The following ATP6V0A1 variants were observed in gnomAD, a reference collection of about 807,000 sequenced individuals.
The protein encoded by ATP6V0A1 is V-type proton ATPase 116 kDa subunit a 1.
ATP6V0A1 carries 43 observed loss-of-function variants against 105.4 expected under a neutral mutation model. That is an observed-to-expected ratio of 0.41 (90% CI 0.32 to 0.53). The LOEUF (loss-of-function observed/expected upper bound fraction) is 0.53, where lower values mean the gene tolerates loss of function less well. Ranked by LOEUF, ATP6V0A1 falls within the 20% of genes least tolerant of loss-of-function variation. The pLI is 0.30. For synonymous variants in ATP6V0A1, 362 were observed against 372.8 expected (o/e 0.97, Z 0.33); for missense variants, 676 against 1,051.1 (o/e 0.64, Z 4.93).
At chr17:42,512,366 A>T (rs1474524407) in intron 19 of ATP6V0A1, among the ~76,000 whole-genome samples, 1 of 152,190 alleles carries the variant, frequency 6.6e-6, no homozygotes, top group Admixed American at 6.5e-5. Context: ...CCCAGTGGTC[A>T]CTGCCCTCCC....
At chr17:42,520,709 T>A (rs2092808088) in intron 21 of ATP6V0A1, 1 of 424,080 alleles carries the variant, frequency 2.4e-6, no homozygotes, top group Non-Finnish European at 4.6e-6. Flanking sequence ...GGGCCACTTG[T>A]TCATTAACGA....
intron 17 of ATP6V0A1, 187 bp from the exon 18 acceptor site, chr17:42,507,333 C>G: frequency 1.9e-6 from 1 of 529,646 alleles, no homozygotes; most frequent in Non-Finnish European, 3.4e-6. Context: ...TGGGCTGGGG[C>G]TGGGGAGGCG....
intron 16 of ATP6V0A1, 40 bp from the exon 17 acceptor site, chr17:42,501,157 C>A: frequency 6.5e-7 from 1 of 1,532,040 alleles, no homozygotes; most frequent in Non-Finnish European, 9.0e-7. Flanking sequence ...GATCGGTAGA[C>A]TTTTATATGA....
In ATP6V0A1 at chr17:42,507,543, C is replaced by T; in HGVS notation, c.2028C>T (p.Ile676=). 6.2e-7 allele frequency: 1 copy of T among 1,613,166 alleles called. No individual in the cohort carries two copies. Among genetic ancestry groups the T allele is most frequent in the Non-Finnish European group, 8.5e-7 (1 of 1,179,500 alleles). ...KHLGTLNFGG[I]RVGNGPTEED... ...AGGGAACTCTCAACTTTGGTGGGAT[C>T]AGGGTGGGCAACGGACCGACAGAGG... The change falls in exon 18 of 22, where the codon ATC becomes ATT. Residue 676 remains isoleucine, a synonymous_variant. Transcript: ENST00000343619.
Position 42,477,554 on chromosome 17 carries a change from T to A in ATP6V0A1, c.424-106T>A, listed in dbSNP as rs185102800. The A allele has an allele frequency of 6.6e-5, 77 of 1,163,880 alleles. 1 individual carries two copies. In the African/African-American group the frequency reaches 1.0e-3, roughly 15 times the overall value. 72.1% of individuals were successfully genotyped at this position (1,163,880 alleles called of 1,614,324 possible). A position where few individuals can be genotyped will look rare whatever the true frequency, so the allele number is the denominator to read the frequency against. ...CGTGGTTTGTTTTCTTTTTCATCCT[T>A]ATTTTCTGAACCTGTCTCCTGGTTC... is the stretch of plus-strand genomic sequence containing the variant. On this transcript the variant is annotated intron_variant, in intron 5 of 21. Coordinates refer to ENST00000343619, the MANE Select transcript of ATP6V0A1 (RefSeq NM_001130021.3).
At chr17:42,465,894 A>G (rs1344335143) in intron 2 of ATP6V0A1, among the ~76,000 whole-genome samples, 2 of 152,016 alleles carry the variant, frequency 1.3e-5, no homozygotes, top group Non-Finnish European at 2.9e-5. Flanking sequence ...TGAACCTGGG[A>G]GGCAGAGGTT....
intron 14 of ATP6V0A1, among the ~76,000 whole-genome samples, chr17:42,497,855 G>T (rs2091325539): frequency 6.8e-6 from 1 of 147,678 alleles, no homozygotes; most frequent in African/African-American, 2.5e-5. Context: ...GGCTAACATG[G>T]TGAAAACCCC....
At chr17:42,494,784 C>A (rs764032944) in intron 12 of ATP6V0A1, 1 of 479,956 alleles carries the variant, frequency 2.1e-6, no homozygotes, top group Non-Finnish European at 3.6e-6. Flanking sequence ...AAAGTTATTG[C>A]GGTTTTGGCT....
In ATP6V0A1 at chr17:42,521,362, C is replaced by T; in HGVS notation, c.*242C>T. The T allele has an allele frequency of 3.1e-6, 1 of 327,498 alleles. No homozygotes were observed. Among genetic ancestry groups the T allele is most frequent in the South Asian group, 8.9e-5 (1 of 11,214 alleles). 20.3% of individuals were successfully genotyped at this position (327,498 alleles called of 1,614,324 possible). On this transcript the variant is annotated 3_prime_UTR_variant, in exon 22 of 22. Transcript: ENST00000343619. The surrounding 1 kb of genome is among the most constrained non-coding windows in gnomAD (Gnocchi z 4.8). Reference sequence around the variant, plus strand: ...TGGGCACCAGCCTTGCCCTCTTAGCCTCCATCCATCCAGACAGCCCTTCCC... The same window carrying T: ...TGGGCACCAGCCTTGCCCTCTTAGCTTCCATCCATCCAGACAGCCCTTCCC...
chr17:42,489,951 T>G (rs1298776875), intron 10 of ATP6V0A1, among the ~76,000 whole-genome samples: 1 of 152,080 alleles, frequency 6.6e-6, no homozygotes, highest in Non-Finnish European at 1.5e-5. Flanking sequence ...GGAGGAGAAC[T>G]CCTAAGGAAG....
intron 17 of ATP6V0A1, among the ~76,000 whole-genome samples, chr17:42,505,029 A>G (rs544363137): frequency 6.6e-6 from 1 of 150,884 alleles, no homozygotes; most frequent in East Asian, 1.9e-4. Context: ...TTTCATAGTG[A>G]TAATCACTTT....
At chr17:42,500,971 G>A in intron 16 of ATP6V0A1, 48 bp downstream of exon 16, 9 of 1,562,952 alleles carry the variant, frequency 5.8e-6, no homozygotes, top group Non-Finnish European at 7.9e-6. Flanking sequence ...TACTTGATCA[G>A]GAAGCCAGAT....
chr17:42,488,285 A>G (rs2090304028), intron 10 of ATP6V0A1, among the ~76,000 whole-genome samples: 1 of 152,222 alleles, frequency 6.6e-6, no homozygotes, highest in Non-Finnish European at 1.5e-5. Context: ...TTGGACAAGA[A>G]CAGGATTTAC....
intron 9 of ATP6V0A1, among the ~76,000 whole-genome samples, chr17:42,483,885 T>C (rs1031560612): frequency 3.3e-5 from 5 of 152,052 alleles, no homozygotes; most frequent in Non-Finnish European, 7.4e-5. Context: ...CCTGGCCTAA[T>C]TTTTGTATTT....
chr17:42,479,239 G>C (rs1271289896), intron 7 of ATP6V0A1, among the ~76,000 whole-genome samples: 1 of 152,220 alleles, frequency 6.6e-6, no homozygotes, highest in Non-Finnish European at 1.5e-5. Context: ...TGTATAAAAA[G>C]AGAAGGAGAG....
chr17:42,499,476 A>C (rs1260679082), intron 15 of ATP6V0A1, among the ~76,000 whole-genome samples: 2 of 151,634 alleles, frequency 1.3e-5, no homozygotes, highest in Non-Finnish European at 2.9e-5. Flanking sequence ...GCCTCAAAAA[A>C]AATAAATAAA....
chr17:42,481,962 C>G (rs956968978), intron 8 of ATP6V0A1, among the ~76,000 whole-genome samples: 2 of 152,114 alleles, frequency 1.3e-5, no homozygotes, highest in African/African-American at 4.8e-5. Flanking sequence ...CTGCCTCAGC[C>G]TCCCGAGTAG....
In ATP6V0A1 at chr17:42,494,315, T is replaced by C; in HGVS notation, c.1175-19T>C. 6.2e-7 allele frequency: 1 copy of C among 1,600,078 alleles called. No individual in the cohort carries two copies. The highest frequency in any genetic ancestry group is 8.5e-7 in the Non-Finnish European group (1 of 1,170,888). ...GGTTTAATGTACTTTGTATTTTTCTTTTTTTGGTTTCTTCATAGCTCCGTA... is the reference window on the plus strand; with the variant it reads ...GGTTTAATGTACTTTGTATTTTTCTCTTTTTGGTTTCTTCATAGCTCCGTA... On this transcript the variant is annotated intron_variant, in intron 11 of 21. Coordinates refer to ENST00000343619, the MANE Select transcript of ATP6V0A1 (RefSeq NM_001130021.3).
In ATP6V0A1 at chr17:42,521,228, G is replaced by A. The variant is rs1011347257; in HGVS notation, c.*108G>A. 2.9e-5 allele frequency: 28 copies of A among 962,896 alleles called. No homozygotes were observed. In the East Asian group the frequency reaches 6.5e-4, roughly 22 times the overall value. 59.6% of individuals were successfully genotyped at this position (962,896 alleles called of 1,614,324 possible). Reference sequence around the variant, plus strand: ...GTGATCTGTGGGCACCAGCTCATTCGTGTCACCCTGTCTGTGAGTCATTTA... The same window carrying A: ...GTGATCTGTGGGCACCAGCTCATTCATGTCACCCTGTCTGTGAGTCATTTA... On this transcript the variant is annotated 3_prime_UTR_variant, in exon 22 of 22. Coordinates refer to ENST00000343619, the MANE Select transcript of ATP6V0A1 (RefSeq NM_001130021.3). This position sits in a 1 kb window ranked among gnomAD's most constrained non-coding sequence, Gnocchi z 4.8.
Sources: allele counts gnomAD v4.1 joint callset (sites outside exome capture counted in the v4.1 genomes callset), GRCh38; gene constraint gnomAD v4.1.1; non-coding constraint Gnocchi (gnomAD v3.1); transcripts MANE v1.5; gene names NCBI Gene and HGNC (gene_info 2026-07-23, HGNC 2026-07-21).